Variants in CELF2 observed in about 807,000 individuals in gnomAD.
CELF2 encodes the protein CUG triplet repeat RNA-binding protein 2.
Under a neutral mutation model 62.6 loss-of-function variants are expected in CELF2, and 8 were observed. The observed-to-expected ratio is 0.13, with a 90% confidence interval of 0.07 to 0.23. The LOEUF (loss-of-function observed/expected upper bound fraction) is 0.23, where lower values mean the gene tolerates loss of function less well. Ranked by LOEUF, CELF2 falls within the 10% of genes least tolerant of loss-of-function variation. The pLI is 1.00. For missense variants in CELF2, 333 were observed against 671.0 expected, an observed-to-expected ratio of 0.50 and a Z score of 5.56; for synonymous variants, 258 against 250.0, an observed-to-expected ratio of 1.03 and a Z score of -0.30.
the CELF2 span, among the ~76,000 whole-genome samples, chr10:10,464,571 A>G: frequency 1.3e-5 from 2 of 152,108 alleles, no homozygotes; most frequent in African/African-American, 4.8e-5. Flanking sequence ...ATCTTTGAAA[A>G]TTTTTCCTTC....
At chr10:10,875,558 G>T (rs1175740903) in intron 1 of CELF2, among the ~76,000 whole-genome samples, 2 of 152,202 alleles carry the variant, frequency 1.3e-5, no homozygotes, top group South Asian at 2.1e-4. Context: ...AACTCGCTTT[G>T]TTTACTGTAG....
At chr10:10,929,475 G>A (rs971040331) in intron 2 of CELF2, 1 of 152,188 alleles carries the variant, frequency 6.6e-6, no homozygotes, top group African/African-American at 2.4e-5. Context: ...CCAATGCTTA[G>A]GTGTGTTCAT....
At chr10:11,232,361 C>T (rs1349948940) in intron 3 of CELF2, among the ~76,000 whole-genome samples, 1 of 152,186 alleles carries the variant, frequency 6.6e-6, no homozygotes, top group Non-Finnish European at 1.5e-5. Context: ...TCATAAGCCT[C>T]ATTGTTTTCT....
At chr10:11,085,963 AC>A (rs2046596894) in intron 1 of CELF2, among the ~76,000 whole-genome samples, 1 of 152,168 alleles carries the variant, frequency 6.6e-6, no homozygotes, top group African/African-American at 2.4e-5. Context: ...AAGCGACAGT[AC>A]CAATAACAAG....
In CELF2 at chr10:10,918,779, G is replaced by A. The variant is rs1016518255; in HGVS notation, c.54-1185G>A. On this transcript the variant is annotated intron_variant, in intron 1 of 13. Coordinates refer to the CELF2 transcript ENST00000636488. ...TATATTGTTATTTTCTCTATGTAAGGTGTTTGTGTCTTTAATGAGATTCTT... is the reference window on the plus strand; with the variant it reads ...TATATTGTTATTTTCTCTATGTAAGATGTTTGTGTCTTTAATGAGATTCTT... 5.3e-5 allele frequency among the ~76,000 whole-genome samples: 8 copies of A among 152,192 alleles called. No homozygotes were observed. The East Asian group carries it at 1.5e-3, about 29-fold the overall frequency.
chr10:11,112,863 A>G (rs117481327), intron 1 of CELF2, among the ~76,000 whole-genome samples: 3,435 of 152,306 alleles, frequency 0.023, 51 homozygotes, highest in Middle Eastern at 0.051. Flanking sequence ...TTGTGTCCTG[A>G]CTGAGTCATG....
At chr10:10,586,649 T>TGAACCTGGGC in the CELF2 span, among the ~76,000 whole-genome samples, 1 of 152,112 alleles carries the variant, frequency 6.6e-6, no homozygotes, top group Non-Finnish European at 1.5e-5. Context: ...ACTACCTGGG[T>TGAACCTGGGC]GAACCTGGGC....
At chr10:10,751,229 T>C in the CELF2 span, among the ~76,000 whole-genome samples, 2 of 152,214 alleles carry the variant, frequency 1.3e-5, no homozygotes, top group Non-Finnish European at 2.9e-5. Flanking sequence ...TGCCTCTTTG[T>C]CCTTTTGTGA....
intron 1 of CELF2, among the ~76,000 whole-genome samples, chr10:10,832,235 T>C (rs1263895659): frequency 2.0e-5 from 3 of 151,110 alleles, no homozygotes; most frequent in Non-Finnish European, 4.4e-5. Context: ...GCCGCTGCAC[T>C]CCAGCCTGGG....
At chr10:11,073,621 T>C (rs1201389832) in intron 1 of CELF2, among the ~76,000 whole-genome samples, 1 of 152,200 alleles carries the variant, frequency 6.6e-6, no homozygotes, top group Non-Finnish European at 1.5e-5. Context: ...TCAAGTGGAA[T>C]GGTTTTTATA....
intron 1 of CELF2, among the ~76,000 whole-genome samples, chr10:10,847,376 T>C (rs1470542474): frequency 6.6e-6 from 1 of 152,212 alleles, no homozygotes; most frequent in Non-Finnish European, 1.5e-5. Flanking sequence ...TCATCTGACC[T>C]ACTTCCTTTA....
At chr10:11,093,683 G>GT (rs892828893) in intron 1 of CELF2, among the ~76,000 whole-genome samples, 31 of 151,502 alleles carry the variant, frequency 2.0e-4, no homozygotes, top group African/African-American at 2.9e-4. Context: ...TCAGGGAGCA[G>GT]TTTTTTTTTA....
the CELF2 span, among the ~76,000 whole-genome samples, chr10:10,603,948 C>T: frequency 6.6e-6 from 1 of 152,294 alleles, no homozygotes; most frequent in Non-Finnish European, 1.5e-5. Context: ...GTGGCTCATG[C>T]CTGGAATCCC....
the CELF2 span, among the ~76,000 whole-genome samples, chr10:10,544,488 G>A: frequency 6.6e-6 from 1 of 152,166 alleles, no homozygotes; most frequent in South Asian, 2.1e-4. Context: ...TATCTACATA[G>A]GTATTATATG....
the CELF2 span, among the ~76,000 whole-genome samples, chr10:10,639,143 AG>A: frequency 6.6e-6 from 1 of 152,250 alleles, no homozygotes; most frequent in Non-Finnish European, 1.5e-5. Context: ...AATATGTCCT[AG>A]AAATATGTGC....
the CELF2 span, among the ~76,000 whole-genome samples, chr10:10,606,493 A>G: frequency 6.6e-6 from 1 of 152,200 alleles, no homozygotes; most frequent in Admixed American, 6.5e-5. Flanking sequence ...TACTAGTGAT[A>G]AACTGAGGAG....
the CELF2 span, among the ~76,000 whole-genome samples, chr10:10,764,378 T>G: frequency 2.0e-5 from 3 of 152,230 alleles, no homozygotes; most frequent in Admixed American, 6.5e-5. Flanking sequence ...TAGCCATTTT[T>G]ATCTGCCTAA....
intron 2 of CELF2, among the ~76,000 whole-genome samples, chr10:11,181,648 G>A (rs1265154529): frequency 2.0e-5 from 3 of 152,184 alleles, no homozygotes; most frequent in Admixed American, 1.3e-4. Context: ...CTGTGACGCT[G>A]TATGCCCCTC....
chr10:10,580,993 T>A, the CELF2 span, among the ~76,000 whole-genome samples: 2 of 152,180 alleles, frequency 1.3e-5, no homozygotes, highest in Non-Finnish European at 2.9e-5. Flanking sequence ...GAAAAATAGA[T>A]CTATTTGGAT....
Sources: gnomAD v4.1 joint callset for allele counts (sites outside exome capture counted in the v4.1 genomes callset) on GRCh38, gnomAD v4.1.1 for gene constraint, MANE v1.5 for transcripts, NCBI Gene and HGNC (gene_info 2026-07-23, HGNC 2026-07-21) for gene names.